Variants in ROBO1 observed in about 807,000 individuals in gnomAD.
ROBO1 encodes roundabout homolog 1.
Under a neutral mutation model 195.9 loss-of-function variants are expected in ROBO1, and 149 were observed. That is an observed-to-expected ratio of 0.76 (90% CI 0.67 to 0.87). The LOEUF is 0.87. Among genes scored for constraint, ROBO1 ranks in the 40% least tolerant of loss-of-function variants. ROBO1 has a pLI of 0.00. For synonymous variants in ROBO1, 816 were observed against 733.2 expected (o/e 1.11, Z -1.82); for missense variants, 1,933 against 2,068.3 (o/e 0.93, Z 1.27).
intron 10 of ROBO1, among the ~76,000 whole-genome samples, chr3:78,683,312 T>C (rs1447919513): frequency 6.6e-6 from 1 of 152,276 alleles, no homozygotes; most frequent in South Asian, 2.1e-4. Context: ...CAGATTAAGA[T>C]GTTAATTCTT....
chr3:79,450,780 C>T lies in ROBO1; in HGVS notation c.88+139044G>A, dbSNP rs190124220. ...ATTAACACTCTAACATTCTATAATACCCTGAATTTCATTTTTTGACAACTA... is the reference window on the plus strand; with the variant it reads ...ATTAACACTCTAACATTCTATAATATCCTGAATTTCATTTTTTGACAACTA... On this transcript the variant is annotated intron_variant, in intron 2 of 30. Coordinates refer to ENST00000464233, the MANE Select transcript of ROBO1 (RefSeq NM_002941.4). Among the ~76,000 whole-genome samples, 725 of 151,908 alleles carry T rather than the reference C, an allele frequency of 4.8e-3. 2 individuals are homozygous for T. The highest frequency in any genetic ancestry group is 7.9e-3 in the Non-Finnish European group (535 of 67,870).
intron 3 of ROBO1, among the ~76,000 whole-genome samples, chr3:79,050,173 A>G (rs1253181871): frequency 4.6e-5 from 7 of 152,154 alleles, no homozygotes; most frequent in Non-Finnish European, 1.0e-4. Context: ...AAACACACAT[A>G]GGCTCAAAAT....
intron 2 of ROBO1, among the ~76,000 whole-genome samples, chr3:79,384,120 A>G (rs1190234787): frequency 6.6e-6 from 1 of 152,038 alleles, no homozygotes. Flanking sequence ...CAAGAAGAAA[A>G]TATTGATAGT....
chr3:79,754,963 C>T (rs1704311712), intron 1 of ROBO1, among the ~76,000 whole-genome samples: 1 of 152,144 alleles, frequency 6.6e-6, no homozygotes, highest in Non-Finnish European at 1.5e-5. Flanking sequence ...TCACTGCAAC[C>T]TCTGCCTCCC....
intron 2 of ROBO1, among the ~76,000 whole-genome samples, chr3:79,559,331 T>G (rs1400710915): frequency 6.6e-6 from 1 of 152,176 alleles, no homozygotes; most frequent in African/African-American, 2.4e-5. Flanking sequence ...CTGTCTAAAG[T>G]TTTTCTTTTA....
At chr3:79,662,045 T>C (rs1946345196) in intron 1 of ROBO1, among the ~76,000 whole-genome samples, 1 of 152,066 alleles carries the variant, frequency 6.6e-6, no homozygotes, top group Non-Finnish European at 1.5e-5. Context: ...TTTACAGGTT[T>C]TCTATGATAA....
chr3:79,565,705 A>G (rs1179321804), intron 2 of ROBO1, among the ~76,000 whole-genome samples: 1 of 152,084 alleles, frequency 6.6e-6, no homozygotes, highest in Non-Finnish European at 1.5e-5. Context: ...GTAGGGTCCT[A>G]GTGAAAGCTT....
At chr3:78,862,777 C>G (rs1358102099) in intron 4 of ROBO1, among the ~76,000 whole-genome samples, 1 of 152,128 alleles carries the variant, frequency 6.6e-6, no homozygotes, top group African/African-American at 2.4e-5. Context: ...ATATAAACCT[C>G]TCAGCAATTA....
chr3:79,694,910 C>T (rs967819018), intron 1 of ROBO1, among the ~76,000 whole-genome samples: 1 of 151,544 alleles, frequency 6.6e-6, no homozygotes, highest in Non-Finnish European at 1.5e-5. Flanking sequence ...ATTGTATAAA[C>T]TTTGGCCATG....
intron 2 of ROBO1, among the ~76,000 whole-genome samples, chr3:79,290,002 T>C (rs2032144097): frequency 6.6e-6 from 1 of 152,028 alleles, no homozygotes; most frequent in African/African-American, 2.4e-5. Context: ...AATGGAATAA[T>C]CAACCATCCA....
chr3:79,668,538 T>C (rs1350329746), intron 1 of ROBO1, among the ~76,000 whole-genome samples: 3 of 151,756 alleles, frequency 2.0e-5, no homozygotes, highest in Non-Finnish European at 4.4e-5. Flanking sequence ...TTTCAGTCAC[T>C]CAATGCAATT....
At chr3:79,265,417 C>T (rs1355508949) in intron 2 of ROBO1, among the ~76,000 whole-genome samples, 4 of 151,332 alleles carry the variant, frequency 2.6e-5, no homozygotes, top group Admixed American at 6.6e-5. Context: ...TACCATAAGC[C>T]AAGTACTGAT....
At chr3:79,449,546 T>C (rs2107186979) in intron 2 of ROBO1, among the ~76,000 whole-genome samples, 1 of 152,234 alleles carries the variant, frequency 6.6e-6, no homozygotes, top group Middle Eastern at 3.4e-3. Context: ...AAGGGCTAAA[T>C]CAGATAAATG....
intron 29 of ROBO1, among the ~76,000 whole-genome samples, chr3:78,601,303 C>T (rs777994409): frequency 1.4e-4 from 22 of 152,136 alleles, no homozygotes; most frequent in Admixed American, 7.9e-4. Flanking sequence ...TAAATTATTG[C>T]TCCTCTATCC....
At chr3:79,494,025 C>T (rs529020490) in intron 2 of ROBO1, among the ~76,000 whole-genome samples, 1 of 152,170 alleles carries the variant, frequency 6.6e-6, no homozygotes, top group East Asian at 1.9e-4. Context: ...TTTACAATGG[C>T]TTTTTGAACT....
chr3:78,916,244 T>TC (rs2038571598), intron 4 of ROBO1, among the ~76,000 whole-genome samples: 1 of 63,862 alleles, frequency 1.6e-5, no homozygotes, highest in African/African-American at 1.2e-4. Context: ...CGAGACTCCG[T>TC]CAAAAAAAAA....
intron 2 of ROBO1, among the ~76,000 whole-genome samples, chr3:79,429,452 G>A (rs2038586776): frequency 6.6e-6 from 1 of 152,112 alleles, no homozygotes; most frequent in African/African-American, 2.4e-5. Context: ...TTCCGGGTCA[G>A]CAAATACAAC....
chr3:78,676,437 G>T (rs1397298191), intron 10 of ROBO1, among the ~76,000 whole-genome samples: 1 of 152,138 alleles, frequency 6.6e-6, no homozygotes, highest in East Asian at 1.9e-4. Flanking sequence ...AAAAAATTTA[G>T]ACGAATGTAT....
At chr3:79,266,112 A>T (rs2029922357) in intron 2 of ROBO1, among the ~76,000 whole-genome samples, 1 of 151,570 alleles carries the variant, frequency 6.6e-6, no homozygotes, top group Admixed American at 6.6e-5. Flanking sequence ...TTATATGCAC[A>T]TGTATATAAA....
Sources: gnomAD v4.1 joint callset for allele counts (sites outside exome capture counted in the v4.1 genomes callset) on GRCh38, gnomAD v4.1.1 for gene constraint, MANE v1.5 for transcripts, NCBI Gene and HGNC (gene_info 2026-07-23, HGNC 2026-07-21) for gene names.